CDH10: variants seen among roughly 807,000 people sequenced by gnomAD.
CDH10 encodes the protein cadherin-10.
In CDH10, 30 loss-of-function variants were observed where a neutral mutation model predicts 73.1. That is an observed-to-expected ratio of 0.41 (90% CI 0.31 to 0.56). The LOEUF (loss-of-function observed/expected upper bound fraction) is 0.56, where lower values mean the gene tolerates loss of function less well. Ranked by LOEUF, CDH10 falls within the 20% of genes least tolerant of loss-of-function variation. The probability of loss-of-function intolerance (pLI) is 0.27; values close to 1 mark genes in which losing one functional copy is unlikely to be tolerated. For missense variants in CDH10, 815 were observed against 973.7 expected (o/e 0.84, Z 2.17); for synonymous variants, 345 against 348.2 (o/e 0.99, Z 0.10).
intron 2 of CDH10, among the ~76,000 whole-genome samples, chr5:24,550,840 G>A (rs537212941): frequency 2.0e-5 from 3 of 152,210 alleles, no homozygotes; most frequent in East Asian, 3.9e-4. Context: ...GACTTCTAAT[G>A]TATCTCCAAT....
chr5:24,579,714 G>T (rs2112050217), intron 2 of CDH10, among the ~76,000 whole-genome samples: 1 of 152,158 alleles, frequency 6.6e-6, no homozygotes, highest in African/African-American at 2.4e-5. Context: ...AGGTTTTCCT[G>T]CAGCTCAAGA....
intron 1 of CDH10, among the ~76,000 whole-genome samples, chr5:24,614,763 A>T (rs1256876772): frequency 6.6e-6 from 1 of 152,180 alleles, no homozygotes; most frequent in Non-Finnish European, 1.5e-5. Flanking sequence ...TTTTATATGT[A>T]CCCATGTAAA....
intron 1 of CDH10, 70 bp downstream of exon 1, chr5:24,644,524 C>T (rs751957272): frequency 1.3e-5 from 2 of 152,024 alleles, no homozygotes; most frequent in East Asian, 3.9e-4. Context: ...CCCTCTCCCC[C>T]CCCACCCCTC....
chr5:24,632,909 A>G (rs201455105), intron 1 of CDH10, among the ~76,000 whole-genome samples: 3 of 150,988 alleles, frequency 2.0e-5, no homozygotes, highest in Admixed American at 6.6e-5. Flanking sequence ...TGATGATGAT[A>G]ATGATGATGA....
intron 2 of CDH10, among the ~76,000 whole-genome samples, chr5:24,586,843 CTTT>C (rs1001227038): frequency 1.3e-3 from 132 of 102,738 alleles, no homozygotes; most frequent in African/African-American, 4.9e-3. Context: ...AGCCCATATT[CTTT>C]TTTTTTTTTT....
intron 2 of CDH10, among the ~76,000 whole-genome samples, chr5:24,573,712 AAAAG>A (rs910170821): frequency 2.0e-5 from 3 of 149,540 alleles, no homozygotes; most frequent in African/African-American, 4.9e-5. Flanking sequence ...AAAAAAAAAA[AAAAG>A]AAAGAAACAG....
At chr5:24,516,139 G>A (rs1317250197) in intron 5 of CDH10, among the ~76,000 whole-genome samples, 2 of 152,112 alleles carry the variant, frequency 1.3e-5, no homozygotes, top group Admixed American at 1.3e-4. Context: ...CTTTCAAGGA[G>A]GGCCTGTCTG....
intron 5 of CDH10, among the ~76,000 whole-genome samples, chr5:24,531,682 G>A (rs1175480494): frequency 2.0e-5 from 3 of 152,026 alleles, no homozygotes; most frequent in African/African-American, 7.2e-5. Context: ...CCACCCCCGT[G>A]ATTCAGTTAC....
At chr5:24,635,611 C>T (rs139129827) in intron 1 of CDH10, among the ~76,000 whole-genome samples, 32 of 151,746 alleles carry the variant, frequency 2.1e-4, no homozygotes, top group African/African-American at 7.0e-4. Flanking sequence ...TCTTTCCTAT[C>T]GTTTACAAAA....
At chr5:24,575,896 AT>A (rs1032799220) in intron 2 of CDH10, among the ~76,000 whole-genome samples, 9 of 151,934 alleles carry the variant, frequency 5.9e-5, no homozygotes, top group Middle Eastern at 6.8e-3. Flanking sequence ...TTCTATAAAC[AT>A]TTTTTTTCTC....
At chr5:24,635,145 C>T (rs1229670262) in intron 1 of CDH10, among the ~76,000 whole-genome samples, 1 of 151,884 alleles carries the variant, frequency 6.6e-6, no homozygotes, top group Non-Finnish European at 1.5e-5. Context: ...CAGACAGTTT[C>T]AGGGACCTCG....
intron 5 of CDH10, among the ~76,000 whole-genome samples, chr5:24,533,326 C>A (rs1322068203): frequency 6.6e-6 from 1 of 151,244 alleles, no homozygotes; most frequent in Non-Finnish European, 1.5e-5. Context: ...GACTCACTCT[C>A]AAAAATAATA....
intron 5 of CDH10, among the ~76,000 whole-genome samples, chr5:24,520,135 G>T (rs566084639): frequency 6.6e-6 from 1 of 152,162 alleles, no homozygotes; most frequent in South Asian, 2.1e-4. Flanking sequence ...CAAATTCTGC[G>T]GTACTGGAGG....
At chr5:24,629,283 C>CAGTA (rs2112190811) in intron 1 of CDH10, among the ~76,000 whole-genome samples, 1 of 152,194 alleles carries the variant, frequency 6.6e-6, no homozygotes, top group African/African-American at 2.4e-5. Context: ...AAAAACATCT[C>CAGTA]AGTATTTTCT....
chr5:24,560,878 C>T (rs12697649), intron 2 of CDH10, among the ~76,000 whole-genome samples: 127,793 of 152,084 alleles, frequency 0.84, 53,743 homozygotes, highest in East Asian at 0.9. Context: ...ACTAATATGC[C>T]TTTTTTTACT....
At chr5:24,605,522 A>G (rs977797752) in intron 1 of CDH10, among the ~76,000 whole-genome samples, 1 of 152,234 alleles carries the variant, frequency 6.6e-6, no homozygotes, top group African/African-American at 2.4e-5. Flanking sequence ...CCTCCCATCC[A>G]TAGAAAAACT....
intron 1 of CDH10, among the ~76,000 whole-genome samples, chr5:24,635,712 C>T (rs1295820148): frequency 6.6e-6 from 1 of 152,078 alleles, no homozygotes; most frequent in East Asian, 1.9e-4. Context: ...ATGCAACTGA[C>T]ATTTTCACAA....
chr5:24,534,306 T>C (rs1488748720), intron 5 of CDH10, among the ~76,000 whole-genome samples: 1 of 152,080 alleles, frequency 6.6e-6, no homozygotes, highest in Non-Finnish European at 1.5e-5. Flanking sequence ...CGAATATTTT[T>C]TTTTGTGTCA....
chr5:24,571,659 G>A (rs759185600), intron 2 of CDH10, among the ~76,000 whole-genome samples: 3 of 152,064 alleles, frequency 2.0e-5, no homozygotes, highest in South Asian at 2.1e-4. Context: ...ACCTACATAA[G>A]GTAGTCCATA....
Sources: gnomAD v4.1 joint callset for allele counts (sites outside exome capture counted in the v4.1 genomes callset) on GRCh38, gnomAD v4.1.1 for gene constraint, MANE v1.5 for transcripts, NCBI Gene and HGNC (gene_info 2026-07-23, HGNC 2026-07-21) for gene names.